Variants in AFAP1 observed in about 807,000 individuals in gnomAD.
AFAP1 encodes the protein actin filament associated protein 1, also known as actin filament-associated protein 1.
AFAP1 carries 75 observed loss-of-function variants against 93.9 expected under a neutral mutation model. The observed-to-expected ratio is 0.80, with a 90% confidence interval of 0.66 to 0.97. The LOEUF (loss-of-function observed/expected upper bound fraction) is 0.97. Among genes scored for constraint, AFAP1 ranks in the 50% least tolerant of loss-of-function variants. AFAP1 has a pLI of 0.00. For synonymous variants in AFAP1, 517 were observed against 430.7 expected (o/e 1.20, Z -2.48); for missense variants, 1,201 against 1,050.8 (o/e 1.14, Z -1.98).
intron 4 of AFAP1, among the ~76,000 whole-genome samples, chr4:7,846,562 A>G (rs183706299): frequency 5.7e-4 from 87 of 152,338 alleles, no homozygotes; most frequent in African/African-American, 2.0e-3. Context: ...CTGGAACATC[A>G]AGTTCAGTAA....
At chr4:7,853,341 T>C (rs544769219) in intron 4 of AFAP1, among the ~76,000 whole-genome samples, 2 of 152,150 alleles carry the variant, frequency 1.3e-5, no homozygotes, top group East Asian at 3.9e-4. Flanking sequence ...TAGATGATTC[T>C]GGGCTAGGGT....
At chr4:7,766,743 A>T (rs1367904822) in intron 17 of AFAP1, among the ~76,000 whole-genome samples, 1 of 152,164 alleles carries the variant, frequency 6.6e-6, no homozygotes, top group Non-Finnish European at 1.5e-5. Flanking sequence ...CACAGTTTCC[A>T]TGCCTGGATG....
At chr4:7,866,945 G>A (rs1577316644) in intron 3 of AFAP1, among the ~76,000 whole-genome samples, 1 of 151,530 alleles carries the variant, frequency 6.6e-6, no homozygotes, top group East Asian at 1.9e-4. Context: ...AGGCTGAGGA[G>A]AGAGGATTGC....
At chr4:7,921,234 A>G (rs1185805957) in intron 1 of AFAP1, among the ~76,000 whole-genome samples, 6 of 128,458 alleles carry the variant, frequency 4.7e-5, no homozygotes, top group African/African-American at 1.9e-4. Flanking sequence ...CCCAGGCTAG[A>G]GTGCAGTGGT....
intron 12 of AFAP1, among the ~76,000 whole-genome samples, chr4:7,782,918 G>C (rs1716914576): frequency 6.6e-6 from 1 of 152,006 alleles, no homozygotes; most frequent in Non-Finnish European, 1.5e-5. Context: ...TATTTGTCCA[G>C]AGTTATTAAA....
intron 10 of AFAP1, among the ~76,000 whole-genome samples, chr4:7,797,966 G>A (rs960671344): frequency 8.5e-5 from 13 of 152,218 alleles, no homozygotes; most frequent in African/African-American, 3.1e-4. Flanking sequence ...GTGGATATGG[G>A]TGAAGGGCGC....
intron 16 of AFAP1, 25 bp downstream of exon 16, chr4:7,772,795 C>G: frequency 6.2e-7 from 1 of 1,606,990 alleles, no homozygotes; most frequent in South Asian, 1.1e-5. Context: ...CGCCAGCCTC[C>G]GAGGTGAGCC....
chr4:7,914,952 T>C (rs1189291180), intron 1 of AFAP1, among the ~76,000 whole-genome samples: 1 of 152,222 alleles, frequency 6.6e-6, no homozygotes, highest in Non-Finnish European at 1.5e-5. Context: ...TTTTACCACG[T>C]TGGCCAGGCT....
intron 6 of AFAP1, among the ~76,000 whole-genome samples, chr4:7,823,152 G>C (rs1052591674): frequency 2.0e-5 from 3 of 151,998 alleles, no homozygotes; most frequent in African/African-American, 7.2e-5. Flanking sequence ...ACAGAGGCCT[G>C]TGTCTCCTAC....
intron 10 of AFAP1, among the ~76,000 whole-genome samples, chr4:7,797,309 T>A (rs1198390324): frequency 6.6e-6 from 1 of 152,152 alleles, no homozygotes; most frequent in Non-Finnish European, 1.5e-5. Flanking sequence ...GATAGTTACA[T>A]AGTTTCAAAG....
intron 10 of AFAP1, among the ~76,000 whole-genome samples, chr4:7,796,376 G>A (rs749981327): frequency 1.3e-5 from 2 of 152,154 alleles, no homozygotes; most frequent in African/African-American, 2.4e-5. Context: ...AGCCAGCTCC[G>A]AGGGCCTCCT....
chr4:7,903,022 G>A (rs1372685939), intron 1 of AFAP1, among the ~76,000 whole-genome samples: 5 of 152,114 alleles, frequency 3.3e-5, no homozygotes, highest in Admixed American at 6.6e-5. Context: ...AAGTATCTGC[G>A]CCACCTCCCT....
At chr4:7,851,179 T>C (rs114692647) in intron 4 of AFAP1, among the ~76,000 whole-genome samples, 112 of 152,278 alleles carry the variant, frequency 7.4e-4, no homozygotes, top group Admixed American at 1.2e-3. Context: ...TACTTTCAGC[T>C]AGTGAAGCCC....
chr4:7,918,048 C>A (rs1375640682), intron 1 of AFAP1, among the ~76,000 whole-genome samples: 1 of 152,266 alleles, frequency 6.6e-6, no homozygotes, highest in Non-Finnish European at 1.5e-5. Context: ...CAGAAAAGAA[C>A]TAGTGCACAG....
chr4:7,799,673 G>A (rs1054534991), intron 10 of AFAP1, among the ~76,000 whole-genome samples: 1 of 152,102 alleles, frequency 6.6e-6, no homozygotes, highest in African/African-American at 2.4e-5. Context: ...AACACTAAGT[G>A]GGGGAAAAGA....
At chr4:7,787,725 C>T (rs150901974) in intron 11 of AFAP1, among the ~76,000 whole-genome samples, 1,569 of 152,288 alleles carry the variant, frequency 0.01, 10 homozygotes, top group South Asian at 0.034. Context: ...GGCCGGGCCA[C>T]GCCAGCCTCC....
rs575992001 is a variant in AFAP1 at position 7,931,029 on chromosome 4, C to A, written c.-3+8627G>T. On this transcript the variant is annotated intron_variant, in intron 1 of 17. Coordinates refer to ENST00000420658, the MANE Select transcript of AFAP1 (RefSeq NM_001134647.2). ...GGCCTCCCAAAAATCTGGGATAAGT[C>A]ATGAGCTACCGTGCCTGGCCTCACT... 3.3e-5 allele frequency among the ~76,000 whole-genome samples: 5 copies of A among 152,252 alleles called. No homozygotes were observed. The South Asian group carries it at 8.3e-4, about 25-fold the overall frequency.
intron 1 of AFAP1, among the ~76,000 whole-genome samples, chr4:7,910,728 C>T (rs1719678008): frequency 6.6e-6 from 1 of 152,254 alleles, no homozygotes. Context: ...AGCGTCCACT[C>T]ACTGCGAGCC....
rs1202342560 is a variant in AFAP1 at position 7,815,916 on chromosome 4, A to G, written c.904+102T>C. The G allele has an allele frequency of 2.9e-6, 3 of 1,031,680 alleles. No homozygotes were observed. The Admixed American group carries it at 6.6e-5, about 23-fold the overall frequency. 63.9% of individuals were successfully genotyped at this position (1,031,680 alleles called of 1,614,324 possible). Reference sequence around the variant, plus strand: ...CGATATCTACACATCTGAATCACCCAGGACATTTTTCGTACAATCAGACTT... The same window carrying G: ...CGATATCTACACATCTGAATCACCCGGGACATTTTTCGTACAATCAGACTT... On this transcript the variant is annotated intron_variant, in intron 8 of 17. Transcript: ENST00000420658.
Sources: gnomAD v4.1 joint callset for allele counts (sites outside exome capture counted in the v4.1 genomes callset) on GRCh38, gnomAD v4.1.1 for gene constraint, MANE v1.5 for transcripts, NCBI Gene and HGNC (gene_info 2026-07-23, HGNC 2026-07-21) for gene names.